Variants in SACS observed in about 807,000 individuals in gnomAD.
SACS encodes sacsin.
In SACS, 197 loss-of-function variants were observed where a neutral mutation model predicts 348.0. The ratio of observed to expected loss-of-function variants is 0.57; its 90% confidence interval spans 0.50 to 0.64. The LOEUF is 0.64. Ranked by LOEUF, SACS falls within the 30% of genes least tolerant of loss-of-function variation. SACS has a pLI of 0.00. For missense variants in SACS, 4,999 were observed against 5,360.8 expected (o/e 0.93, Z 2.11); for synonymous variants, 1,985 against 1,910.6 (o/e 1.04, Z -1.02).
In SACS at chr13:23,331,582, G is replaced by A. The variant is rs761749563; in HGVS notation, c.12294C>T (p.Phe4098=). 1.9e-6 allele frequency: 3 copies of A among 1,613,802 alleles called. No individual in the cohort carries two copies. Among genetic ancestry groups the A allele is most frequent in the Non-Finnish European group, 1.7e-6 (2 of 1,179,916 alleles). The part of the protein sequence containing the change: ...IQHSDSKDIN[F]LLALAMTLKS... The stretch of plus-strand genomic sequence containing the variant: ...TAAGAGTCATTGCCAATGCTAACAG[G>A]AAATTAATGTCTTTACTGTCTGAAT... Residue 4098 remains phenylalanine, a synonymous_variant, in exon 10 of 10, where the codon TTC becomes TTT. Coordinates refer to ENST00000382292, the MANE Select transcript of SACS (RefSeq NM_014363.6).
rs1436149134 is a variant in SACS, at chr13:23,412,437, A to T, written c.-501-697T>A. 5.1e-5 allele frequency among the ~76,000 whole-genome samples: 7 copies of T among 138,518 alleles called. No individual in the cohort carries two copies. The East Asian group carries it at 1.5e-3, about 31-fold the overall frequency. The allele number at this position is 138,518 out of a possible 152,430, so 90.9% of individuals were successfully genotyped here. ...TTTTTTTTTTTTTTTTCTCTGAGAC[A>T]GAGCCTCCCTCTATTGTCCAGGCTG... On this transcript the variant is annotated intron_variant, in intron 1 of 9. Transcript: ENST00000382292.
intron 6 of SACS, among the ~76,000 whole-genome samples, chr13:23,359,697 T>C (rs1348467363): frequency 6.6e-6 from 1 of 152,186 alleles, no homozygotes. Flanking sequence ...ATGATTAATA[T>C]TTTTCATTCA....
Position 23,329,427 on chromosome 13 carries a change from G to A in SACS, c.*709C>T, listed in dbSNP as rs1566052961. The A allele has an allele frequency of 1.3e-6, 1 of 770,496 alleles. No homozygotes were observed. Among genetic ancestry groups the A allele is most frequent in the Non-Finnish European group, 2.4e-6 (1 of 414,962 alleles). The allele number at this position is 770,496 out of a possible 1,614,324, so 47.7% of individuals were successfully genotyped here. Reference sequence around the variant, plus strand: ...TTTCCAGAAACAATACTAACAACTGGTAATAAGAACTGCCACCATTTTGAG... The same window carrying A: ...TTTCCAGAAACAATACTAACAACTGATAATAAGAACTGCCACCATTTTGAG... On this transcript the variant is annotated 3_prime_UTR_variant, in exon 10 of 10. Coordinates refer to ENST00000382292, the MANE Select transcript of SACS (RefSeq NM_014363.6).
rs1868805848 is a variant in SACS, at chr13:23,337,931, C to T, written c.5945G>A (p.Gly1982Glu). The T allele has an allele frequency of 1.2e-6, 2 of 1,613,974 alleles. No homozygotes were observed. Among genetic ancestry groups the T allele is most frequent in the East Asian group, 2.2e-5 (1 of 44,874 alleles). Reference protein sequence around the residue: ...GKELTKVFSDGSTWVSMKNVR... With the variant: ...GKELTKVFSDESTWVSMKNVR... The stretch of plus-strand genomic sequence containing the variant: ...GTTCTTCATGGAAACCCAAGTAGAT[C>T]CATCAGAGAAGACTTTGGTCAGTTC... The change falls in exon 10 of 10, where the codon GGA (glycine) becomes GAA (glutamate). Residue 1982 changes from glycine to glutamate, a missense_variant. Transcript: ENST00000382292.
intron 9 of SACS, among the ~76,000 whole-genome samples, chr13:23,343,114 A>AT (rs1869371808): frequency 6.6e-6 from 1 of 152,188 alleles, no homozygotes; most frequent in African/African-American, 2.4e-5. Flanking sequence ...CCACTTTTGG[A>AT]TGTCTGATAA....
chr13:23,345,909 A>T (rs1451656387), intron 9 of SACS, among the ~76,000 whole-genome samples: 1 of 151,058 alleles, frequency 6.6e-6, no homozygotes, highest in African/African-American at 2.4e-5. Context: ...TTTATTTATT[A>T]AAAAAAAAGG....
chr13:23,354,449 G>A (rs1870183805), intron 8 of SACS, 70 bp downstream of exon 8: 2 of 1,325,208 alleles, frequency 1.5e-6, no homozygotes, highest in Non-Finnish European at 2.2e-6. Flanking sequence ...TCACAACAAA[G>A]GACTCTCACA....
At chr13:23,412,261 CAA>C in intron 1 of SACS, among the ~76,000 whole-genome samples, 1 of 151,850 alleles carries the variant, frequency 6.6e-6, no homozygotes, top group Admixed American at 6.6e-5. Context: ...GATTCTGTCT[CAA>C]AAAAAATAAA....
At chr13:23,375,548 G>A (rs1352894591) in intron 2 of SACS, 11 of 1,059,240 alleles carry the variant, frequency 1.0e-5, no homozygotes, top group Non-Finnish European at 1.3e-5. Context: ...GAGCAGGCGG[G>A]GGCGGGGACT....
rs567495567 is a variant in SACS, at chr13:23,330,604, G to T, written c.13272C>A (p.Ala4424=). 1 of 1,613,714 alleles carries T rather than the reference G, an allele frequency of 6.2e-7. No individual in the cohort carries two copies. The highest frequency in any genetic ancestry group is 8.5e-7 in the Non-Finnish European group (1 of 1,179,984). The change falls in exon 10 of 10, where the codon GCC becomes GCA. Residue 4424 remains alanine, a synonymous_variant. Transcript: ENST00000382292. ...AGAACCTTTGAGAGTAAGTCTGTCCGGCTGAAGGGGGGCATTTTTCTTTGT... is the reference window on the plus strand; with the variant it reads ...AGAACCTTTGAGAGTAAGTCTGTCCTGCTGAAGGGGGGCATTTTTCTTTGT... The part of the protein sequence containing the change: ...QQNKEKCPPS[A]GQTYSQRFFV...
intron 2 of SACS, among the ~76,000 whole-genome samples, chr13:23,376,804 C>A (rs1871825858): frequency 6.6e-6 from 1 of 152,198 alleles, no homozygotes; most frequent in South Asian, 2.1e-4. Flanking sequence ...GTAATCCCAG[C>A]GCTTTGGGAG....
chr13:23,404,774 A>G (rs148371686), intron 2 of SACS, among the ~76,000 whole-genome samples: 177 of 151,942 alleles, frequency 1.2e-3, no homozygotes, highest in African/African-American at 4.0e-3. Context: ...CTATACACCA[A>G]TAATAGCCAA....
At chr13:23,406,722 A>G (rs1873234281) in intron 2 of SACS, among the ~76,000 whole-genome samples, 2 of 152,192 alleles carry the variant, frequency 1.3e-5, no homozygotes. Flanking sequence ...TAAAAAATTA[A>G]TGGGCAAAAA....
intron 1 of SACS, among the ~76,000 whole-genome samples, chr13:23,413,277 C>T (rs545254211): frequency 6.6e-5 from 10 of 152,202 alleles, no homozygotes; most frequent in Non-Finnish European, 1.5e-4. Flanking sequence ...TGCGCCCGGC[C>T]GGCAAACTTT....
At chr13:23,365,035 T>C (rs760322950) in intron 6 of SACS, 131 bp downstream of exon 6, 11 of 616,050 alleles carry the variant, frequency 1.8e-5, no homozygotes, top group African/African-American at 3.8e-5. Flanking sequence ...GAGAAAAACA[T>C]CTGAAGAAGT....
chr13:23,405,362 A>C (rs1873160392), intron 2 of SACS, among the ~76,000 whole-genome samples: 1 of 152,360 alleles, frequency 6.6e-6, no homozygotes, highest in South Asian at 2.1e-4. Context: ...AGCCATTTGC[A>C]GAAAACTGAA....
intron 1 of SACS, among the ~76,000 whole-genome samples, chr13:23,414,853 A>G (rs1396064420): frequency 1.3e-5 from 2 of 152,100 alleles, no homozygotes; most frequent in Admixed American, 6.6e-5. Context: ...TCTGACTTAC[A>G]CTGCTTGGCC....
chr13:23,360,085 C>T (rs1292685649), intron 6 of SACS, among the ~76,000 whole-genome samples: 1 of 152,106 alleles, frequency 6.6e-6, no homozygotes, highest in Non-Finnish European at 1.5e-5. Flanking sequence ...GCTCCATTTC[C>T]TCATCTGCAC....
chr13:23,339,859 T>C lies in SACS; in HGVS notation c.4017A>G (p.Ile1339Met), dbSNP rs1415076775. Residue 1339 changes from isoleucine (I) to methionine (M), a missense_variant, in exon 10 of 10, where the codon ATA (isoleucine) becomes ATG (methionine). Around this residue, in one of 6 missense-constraint regions of SACS, gnomAD observed 3,156 missense variants for 3,380.1 expected, o/e 0.93. Coordinates refer to ENST00000382292, the MANE Select transcript of SACS (RefSeq NM_014363.6). ...TGAGATCTTGGTCACTTTTGAGATATATCTTCTGAATAACCATGGAAATAT... is the reference window on the plus strand; with the variant it reads ...TGAGATCTTGGTCACTTTTGAGATACATCTTCTGAATAACCATGGAAATAT... Reference protein sequence around the residue: ...SDHISMVIQKIYLKSDQDLSE... With the variant: ...SDHISMVIQKMYLKSDQDLSE... The C allele has an allele frequency of 5.0e-6, 8 of 1,613,760 alleles. No individual in the cohort carries two copies. Among genetic ancestry groups the C allele is most frequent in the East Asian group, 2.2e-5 (1 of 44,880 alleles).
Sources: allele counts gnomAD v4.1 joint callset (sites outside exome capture counted in the v4.1 genomes callset), GRCh38; gene constraint gnomAD v4.1.1; regional missense constraint gnomAD v4.1.1; transcripts MANE v1.5; gene names NCBI Gene and HGNC (gene_info 2026-07-23, HGNC 2026-07-21).